The following PTPRD variants were observed in gnomAD, a reference collection of about 807,000 sequenced individuals.
PTPRD encodes protein tyrosine phosphatase receptor type D.
In PTPRD, 34 loss-of-function variants were observed where a neutral mutation model predicts 214.5. The observed-to-expected ratio is 0.16, with a 90% CI of 0.12 to 0.21. The LOEUF (loss-of-function observed/expected upper bound fraction) is 0.21. PTPRD is among the 10% of genes least tolerant of loss of function. The pLI is 1.00. For missense variants in PTPRD, 2,545 were observed against 2,398.7 expected (o/e 1.06, Z -1.27); for synonymous variants, 1,128 against 845.7 (o/e 1.33, Z -5.79).
At chr9:9,116,984 G>GTA (rs1345157714) in intron 10 of PTPRD, among the ~76,000 whole-genome samples, 5 of 152,074 alleles carry the variant, frequency 3.3e-5, no homozygotes, top group Non-Finnish European at 7.4e-5. Flanking sequence ...TGCTCAGGGT[G>GTA]TGTGTGTGTC....
chr9:10,313,147 A>G (rs1301065930), intron 3 of PTPRD, among the ~76,000 whole-genome samples: 1 of 151,908 alleles, frequency 6.6e-6, no homozygotes, highest in African/African-American at 2.4e-5. Flanking sequence ...ATTTGAAAAG[A>G]AATGCTGAAA....
intron 2 of PTPRD, among the ~76,000 whole-genome samples, chr9:10,591,909 C>T (rs1315702021): frequency 3.3e-5 from 5 of 152,118 alleles, no homozygotes; most frequent in Non-Finnish European, 7.4e-5. Flanking sequence ...TCAGTCCTGA[C>T]GTGGCTACAG....
intron 36 of PTPRD, among the ~76,000 whole-genome samples, chr9:8,402,059 C>A (rs530538857): frequency 9.2e-5 from 14 of 152,278 alleles, no homozygotes; most frequent in African/African-American, 3.4e-4. Flanking sequence ...GTTTAAGATA[C>A]AGGATGATTG....
At chr9:10,304,268 T>G (rs2095975643) in intron 3 of PTPRD, among the ~76,000 whole-genome samples, 1 of 152,090 alleles carries the variant, frequency 6.6e-6, no homozygotes, top group Admixed American at 6.6e-5. Context: ...TATCTCAAAA[T>G]AGTAAGAGCT....
chr9:10,524,574 C>T (rs1566731341), intron 2 of PTPRD, among the ~76,000 whole-genome samples: 1 of 151,634 alleles, frequency 6.6e-6, no homozygotes, highest in Non-Finnish European at 1.5e-5. Flanking sequence ...TGTTGTATTC[C>T]GTCAAAAATC....
chr9:8,623,994 T>TC (rs943191679), intron 14 of PTPRD, among the ~76,000 whole-genome samples: 1 of 151,940 alleles, frequency 6.6e-6, no homozygotes, highest in African/African-American at 2.4e-5. Flanking sequence ...CTAAAATATA[T>TC]CTAATGTTAC....
At chr9:8,673,439 T>C (rs2097329633) in intron 12 of PTPRD, among the ~76,000 whole-genome samples, 1 of 152,114 alleles carries the variant, frequency 6.6e-6, no homozygotes, top group South Asian at 2.1e-4. Flanking sequence ...TATAAATTAT[T>C]AATAATAACA....
chr9:8,511,921 G>A (rs138464527), intron 21 of PTPRD, among the ~76,000 whole-genome samples: 179 of 152,122 alleles, frequency 1.2e-3, no homozygotes, highest in African/African-American at 4.1e-3. Context: ...CAAGACAAGG[G>A]ATGAAAAAGA....
rs188636952 is a variant in PTPRD, at chr9:8,655,674, C to T, written c.65-18830G>A. ...CCCCTGGAAATGCCACATATATGAACTTTTTCACAATCTTTCTATTTTTTA... is the reference window on the plus strand; with the variant it reads ...CCCCTGGAAATGCCACATATATGAATTTTTTCACAATCTTTCTATTTTTTA... On this transcript the variant is annotated intron_variant, in intron 12 of 45. Transcript: ENST00000381196. 1.1e-3 allele frequency among the ~76,000 whole-genome samples: 161 copies of T among 151,900 alleles called. 1 individual carries two copies. Among genetic ancestry groups the T allele is most frequent in the African/African-American group, 3.8e-3 (159 of 41,444 alleles).
intron 2 of PTPRD, among the ~76,000 whole-genome samples, chr9:10,604,842 T>C (rs1389589246): frequency 6.6e-6 from 1 of 151,928 alleles, no homozygotes; most frequent in Non-Finnish European, 1.5e-5. Flanking sequence ...TCTATACTTG[T>C]GATGCACATA....
At chr9:10,283,749 T>C (rs530488087) in intron 3 of PTPRD, among the ~76,000 whole-genome samples, 1 of 152,330 alleles carries the variant, frequency 6.6e-6, no homozygotes, top group South Asian at 2.1e-4. Context: ...ATTGACCTAA[T>C]ATCTTTAGGT....
At chr9:8,767,732 C>G (rs2094872419) in intron 11 of PTPRD, among the ~76,000 whole-genome samples, 1 of 152,048 alleles carries the variant, frequency 6.6e-6, no homozygotes, top group Admixed American at 6.6e-5. Flanking sequence ...AGGTCATACT[C>G]CACAATAATT....
At chr9:9,236,885 C>G (rs1296798904) in intron 9 of PTPRD, among the ~76,000 whole-genome samples, 1 of 152,092 alleles carries the variant, frequency 6.6e-6, no homozygotes, top group Non-Finnish European at 1.5e-5. Context: ...CTAAGCTTTT[C>G]TAACTCTGGC....
intron 7 of PTPRD, among the ~76,000 whole-genome samples, chr9:9,634,345 T>C (rs2095686552): frequency 6.6e-6 from 1 of 152,154 alleles, no homozygotes; most frequent in South Asian, 2.1e-4. Flanking sequence ...TCACAAGAAA[T>C]GATATGGGGA....
chr9:9,747,739 G>A (rs936898925), intron 6 of PTPRD, among the ~76,000 whole-genome samples: 1 of 151,946 alleles, frequency 6.6e-6, no homozygotes, highest in East Asian at 1.9e-4. Context: ...TTTTAGTAGA[G>A]ACAGGGTTTC....
intron 10 of PTPRD, among the ~76,000 whole-genome samples, chr9:9,114,171 A>C (rs1174263653): frequency 6.6e-6 from 1 of 152,182 alleles, no homozygotes; most frequent in African/African-American, 2.4e-5. Flanking sequence ...CTGCAGGCCA[A>C]TCATGTTGCC....
chr9:8,900,624 T>C (rs916079140), intron 11 of PTPRD, among the ~76,000 whole-genome samples: 4 of 152,168 alleles, frequency 2.6e-5, no homozygotes, highest in African/African-American at 9.7e-5. Flanking sequence ...TTTAAGTAGG[T>C]TGGGGATGGT....
chr9:8,952,184 TG>T (rs1418340572), intron 11 of PTPRD, among the ~76,000 whole-genome samples: 7 of 151,980 alleles, frequency 4.6e-5, no homozygotes, highest in African/African-American at 1.7e-4. Flanking sequence ...CTTACTTTTT[TG>T]CTTTGTTTTG....
chr9:8,912,319 C>G (rs2098753910), intron 11 of PTPRD, among the ~76,000 whole-genome samples: 1 of 151,922 alleles, frequency 6.6e-6, no homozygotes, highest in Admixed American at 6.6e-5. Context: ...TAATAACGAG[C>G]AATGAAAAGA....
Sources: gnomAD v4.1 joint callset for allele counts (sites outside exome capture counted in the v4.1 genomes callset) on GRCh38, gnomAD v4.1.1 for gene constraint, MANE v1.5 for transcripts, NCBI Gene and HGNC (gene_info 2026-07-23, HGNC 2026-07-21) for gene names.